The following ZNF600 variants were observed in gnomAD, a reference collection of about 807,000 sequenced individuals.
ZNF600 encodes the protein zinc finger protein KR-ZNF1.
In ZNF600, 4 loss-of-function variants were observed where a neutral mutation model predicts 7.3. That is an observed-to-expected ratio of 0.55 (90% CI 0.27 to 1.25). ZNF600 has a LOEUF of 1.25. ZNF600 is among the 50% of genes most tolerant of loss of function. The probability of loss-of-function intolerance (pLI) is 0.12; values close to 1 mark genes in which losing one functional copy is unlikely to be tolerated. For synonymous variants in ZNF600, 290 were observed against 308.9 expected (o/e 0.94, Z 0.64); for missense variants, 911 against 922.1 (o/e 0.99, Z 0.16).
the ZNF600 span, among the ~76,000 whole-genome samples, chr19:52,822,889 T>C: frequency 1.3e-5 from 2 of 152,164 alleles, no homozygotes; most frequent in South Asian, 4.1e-4. Context: ...ATAGAGTTTA[T>C]TGGAACACAA....
intron 3 of ZNF600, among the ~76,000 whole-genome samples, chr19:52,774,030 T>A (rs1349900416): frequency 6.6e-6 from 1 of 151,930 alleles, no homozygotes; most frequent in Non-Finnish European, 1.5e-5. Context: ...GCAGCATTAT[T>A]TATAATAGTA....
At chr19:52,828,960 A>T in the ZNF600 span, among the ~76,000 whole-genome samples, 1 of 152,070 alleles carries the variant, frequency 6.6e-6, no homozygotes, top group African/African-American at 2.4e-5. Flanking sequence ...TCCCAGATTC[A>T]CGCCATTCTC....
At chr19:52,774,527 A>G in intron 3 of ZNF600, 48 bp downstream of exon 5, 3 of 984,294 alleles carry the variant, frequency 3.0e-6, no homozygotes, top group Non-Finnish European at 3.6e-6. Context: ...AAGGGCCAAG[A>G]TAGACAAGAG....
upstream of ZNF600, among the ~76,000 whole-genome samples, chr19:52,790,682 CTTTTTTT>C (rs71183835): frequency 4.1e-5 from 4 of 98,564 alleles, no homozygotes; most frequent in African/African-American, 1.7e-4. Context: ...TCTCTCTCTC[CTTTTTTT>C]TTTTTTTTTT....
chr19:52,824,279 C>A, the ZNF600 span, among the ~76,000 whole-genome samples: 1 of 152,064 alleles, frequency 6.6e-6, no homozygotes, highest in African/African-American at 2.4e-5. Flanking sequence ...CAGGTAAATA[C>A]AAAGATATGT....
the ZNF600 span, among the ~76,000 whole-genome samples, chr19:52,802,680 A>G: frequency 6.6e-6 from 1 of 152,222 alleles, no homozygotes; most frequent in South Asian, 2.1e-4. Flanking sequence ...CCATCTCAAA[A>G]AAAGGAAAAT....
At chr19:52,800,713 T>G in the ZNF600 span, 1 of 1,613,960 alleles carries the variant, frequency 6.2e-7, no homozygotes, top group Non-Finnish European at 8.5e-7. Context: ...TTCTCTCCAG[T>G]ATGAAGCCTA....
chr19:52,764,461 A>T (rs968543519), downstream of ZNF600: 4 of 148,586 alleles, frequency 2.7e-5, no homozygotes, highest in Non-Finnish European at 5.9e-5. Flanking sequence ...ATCCACTCAC[A>T]TCAGTCTACC....
chr19:52,795,880 T>TTC, the ZNF600 span, among the ~76,000 whole-genome samples: 4 of 145,040 alleles, frequency 2.8e-5, no homozygotes, highest in African/African-American at 5.0e-5. Context: ...TTTTTTTTTT[T>TTC]AATTAAGAAA....
At chr19:52,806,947 A>C in the ZNF600 span, among the ~76,000 whole-genome samples, 6 of 152,266 alleles carry the variant, frequency 3.9e-5, no homozygotes, top group African/African-American at 1.4e-4. Context: ...CAGAGAGATA[A>C]GCGGGGGCAA....
chr19:52,781,290 C>T (rs2062719103), intron 1 of ZNF600, 27 bp downstream of exon 2: 1 of 152,050 alleles, frequency 6.6e-6, no homozygotes, highest in Admixed American at 6.6e-5. Flanking sequence ...GTGTCACTGA[C>T]TGAGCTTTTC....
chr19:52,803,266 G>A, the ZNF600 span, among the ~76,000 whole-genome samples: 1 of 151,534 alleles, frequency 6.6e-6, no homozygotes, highest in Admixed American at 6.6e-5. Context: ...TAGTAGAGAT[G>A]GGGTTTGGTG....
At chr19:52,785,807 C>T (rs2147588814) in intron 1 of ZNF600, among the ~76,000 whole-genome samples, 2 of 152,268 alleles carry the variant, frequency 1.3e-5, no homozygotes, top group East Asian at 3.9e-4. Flanking sequence ...TCCTCTCCCT[C>T]ACTCTGGTGA....
At chr19:52,808,551 C>T in the ZNF600 span, among the ~76,000 whole-genome samples, 23 of 151,546 alleles carry the variant, frequency 1.5e-4, no homozygotes, top group South Asian at 1.5e-3. Context: ...GCAGAATTGC[C>T]TGATCCTGGG....
At chr19:52,778,619 C>T (rs2062695407) in intron 2 of ZNF600, among the ~76,000 whole-genome samples, 2 of 152,110 alleles carry the variant, frequency 1.3e-5, no homozygotes, top group Non-Finnish European at 2.9e-5. Flanking sequence ...AGGACCATGC[C>T]CAGTGGAGCT....
chr19:52,789,795 C>A (rs1218492166), upstream of ZNF600, among the ~76,000 whole-genome samples: 1 of 152,116 alleles, frequency 6.6e-6, no homozygotes, highest in Non-Finnish European at 1.5e-5. Context: ...TGTGAAGAGA[C>A]CACCAAACAG....
At chr19:52,809,792 GAA>G in the ZNF600 span, 1 of 501,370 alleles carries the variant, frequency 2.0e-6, no homozygotes, top group African/African-American at 2.1e-5. Flanking sequence ...GTGACAGAGC[GAA>G]AAAAAAGGAG....
intron 3 of ZNF600, among the ~76,000 whole-genome samples, chr19:52,773,729 C>G (rs561327504): frequency 6.6e-6 from 1 of 151,896 alleles, no homozygotes; most frequent in South Asian, 2.1e-4. Context: ...AATATTAGCC[C>G]GGCATGGTGG....
At chr19:52,793,651 C>T in the ZNF600 span, among the ~76,000 whole-genome samples, 3 of 151,908 alleles carry the variant, frequency 2.0e-5, no homozygotes, top group African/African-American at 7.3e-5. Context: ...ACTGTGATCC[C>T]AGCTACTCGG....
Sources: allele counts gnomAD v4.1 joint callset (sites outside exome capture counted in the v4.1 genomes callset), GRCh38; gene constraint gnomAD v4.1.1; transcripts MANE v1.5; gene names NCBI Gene and HGNC (gene_info 2026-07-23, HGNC 2026-07-21).